Variants in LZTFL1 observed in about 807,000 individuals in gnomAD.
LZTFL1 encodes the protein leucine zipper transcription factor-like protein 1.
In LZTFL1, 25 loss-of-function variants were observed where a neutral mutation model predicts 45.9. The ratio of observed to expected loss-of-function variants is 0.54; its 90% CI spans 0.40 to 0.76. The LOEUF (loss-of-function observed/expected upper bound fraction) is 0.76. LZTFL1 is among the 30% of genes least tolerant of loss of function. The pLI is 0.00. For synonymous variants in LZTFL1, 93 were observed against 117.4 expected (o/e 0.79, Z 1.35); for missense variants, 277 against 331.1 (o/e 0.84, Z 1.27).
chr3:45,897,369 G>A (rs1702389893), intron 2 of LZTFL1, among the ~76,000 whole-genome samples: 1 of 152,132 alleles, frequency 6.6e-6, no homozygotes, highest in Non-Finnish European at 1.5e-5. Context: ...GTAACTTCAT[G>A]CAAAAGCACG....
chr3:45,906,137 A>G (rs115027205), intron 2 of LZTFL1, among the ~76,000 whole-genome samples: 1,727 of 152,264 alleles, frequency 0.011, 29 homozygotes, highest in African/African-American at 0.039. Flanking sequence ...CTAAGGCTGG[A>G]TGGGTAAGAA....
chr3:45,892,941 C>A (rs1476378320), intron 2 of LZTFL1, among the ~76,000 whole-genome samples: 1 of 152,160 alleles, frequency 6.6e-6, no homozygotes, highest in East Asian at 1.9e-4. Context: ...TTTCATCGTA[C>A]TTTGCTTTTT....
Position 45,873,158 on chromosome 3 carries a change from T to C in LZTFL1, c.-214-14142A>G, listed in dbSNP as rs144899599. ...TAGTCCTATTCCCCAAACCAATTTTTCAAGCTTCTCAAACTTTACTGAGTA... is the reference window on the plus strand; with the variant it reads ...TAGTCCTATTCCCCAAACCAATTTTCCAAGCTTCTCAAACTTTACTGAGTA... On this transcript the variant is annotated intron_variant, in intron 2 of 4. Coordinates refer to the LZTFL1 transcript ENST00000472635. 9.0e-4 allele frequency among the ~76,000 whole-genome samples: 137 copies of C among 152,342 alleles called. 1 individual carries two copies. The highest frequency in any genetic ancestry group is 1.6e-3 in the Non-Finnish European group (110 of 68,024).
chr3:45,863,463 T>G (rs1264326601), intron 2 of LZTFL1, among the ~76,000 whole-genome samples: 1 of 152,156 alleles, frequency 6.6e-6, no homozygotes, highest in Admixed American at 6.5e-5. Context: ...GGTTCTGGTC[T>G]TCAGGAGAAA....
chr3:45,915,382 C>T lies in LZTFL1; in HGVS notation c.-273+39G>A, dbSNP rs560966886. On this transcript the variant is annotated intron_variant, in intron 1 of 4. Transcript: ENST00000472635. The stretch of plus-strand genomic sequence containing the variant: ...ACCCTTCTCCCTCACCAGCTTTCCT[C>T]TCTCAAGCCAGGGAGAAGACAGCAC... The T allele has an allele frequency of 6.7e-5, 26 of 385,564 alleles. No individual in the cohort carries two copies. The East Asian group carries it at 1.7e-3, about 26-fold the overall frequency. 23.9% of individuals were successfully genotyped at this position (385,564 alleles called of 1,614,324 possible). A position where few individuals can be genotyped will look rare whatever the true frequency, so the allele number is the denominator to read the frequency against.
At chr3:45,844,762 A>G (rs957302941), upstream of LZTFL1, among the ~76,000 whole-genome samples, 15 of 152,352 alleles carry the variant, frequency 9.8e-5, no homozygotes, top group Admixed American at 7.2e-4. Context: ...GGCCTGAAGT[A>G]GGCAAGAGGC....
chr3:45,863,965 ATGT>A (rs1225600987), intron 2 of LZTFL1, among the ~76,000 whole-genome samples: 2 of 152,228 alleles, frequency 1.3e-5, no homozygotes, highest in Non-Finnish European at 2.9e-5. Context: ...AGGTGTGATA[ATGT>A]TGTTGTTTGT....
rs1559401987 is a variant in LZTFL1 at position 45,830,979 on chromosome 3, T to C, written c.534A>G (p.Ala178=). The stretch of plus-strand genomic sequence containing the variant: ...TTTCTAGTTTTGACTTTTCATCCAG[T>C]GCATTTGTAGCCTATAGTGAAGTTT... The part of the protein sequence containing the change: ...LKTIEIQATN[A]LDEKSKLEKA... The change falls in exon 7 of 10, where the codon GCA becomes GCG. Residue 178 remains alanine, a synonymous_variant. Coordinates refer to ENST00000296135, the MANE Select transcript of LZTFL1 (RefSeq NM_020347.4). 1 of 1,613,954 alleles carries C rather than the reference T, an allele frequency of 6.2e-7. No individual in the cohort carries two copies. Among genetic ancestry groups the C allele is most frequent in the Admixed American group, 1.7e-5 (1 of 60,032 alleles).
At chr3:45,910,501 A>G (rs558407051) in intron 2 of LZTFL1, among the ~76,000 whole-genome samples, 1 of 152,252 alleles carries the variant, frequency 6.6e-6, no homozygotes, top group African/African-American at 2.4e-5. Context: ...TGAGGTCAAG[A>G]GAGAGTGGAG....
chr3:45,839,659 G>T (rs1161510674), intron 1 of LZTFL1, among the ~76,000 whole-genome samples: 1 of 152,164 alleles, frequency 6.6e-6, no homozygotes, highest in Non-Finnish European at 1.5e-5. Context: ...TTTAACAGCA[G>T]GTTTTCTAGG....
chr3:45,865,616 T>G (rs763208906), intron 2 of LZTFL1, among the ~76,000 whole-genome samples: 37 of 152,260 alleles, frequency 2.4e-4, no homozygotes, highest in Non-Finnish European at 4.1e-4. Flanking sequence ...GTTTTTGGAT[T>G]TTCTTTTTAT....
chr3:45,884,308 C>G (rs1284406033), intron 2 of LZTFL1, among the ~76,000 whole-genome samples: 1 of 152,140 alleles, frequency 6.6e-6, no homozygotes. Context: ...AGGAATGGAC[C>G]TAAACTAGAT....
rs529349137 is a variant in LZTFL1, at chr3:45,857,147, A to G, written c.-138+1793T>C. Among the ~76,000 whole-genome samples the G allele has an allele frequency of 1.4e-3, 211 of 152,360 alleles. 1 individual carries two copies. The highest frequency in any genetic ancestry group is 0.011 in the South Asian group (53 of 4,828). On this transcript the variant is annotated intron_variant, in intron 3 of 4. Transcript: ENST00000472635. Reference sequence around the variant, plus strand: ...AATGCTCATCAATGATAGACTGGATAAAGAAAGTATGGCACATATACACCA... The same window carrying G: ...AATGCTCATCAATGATAGACTGGATGAAGAAAGTATGGCACATATACACCA...
chr3:45,915,668 C>T (rs960393995), upstream of LZTFL1: 1 of 361,202 alleles, frequency 2.8e-6, no homozygotes, highest in Non-Finnish European at 5.6e-6. Context: ...TCATTCAAGG[C>T]TTTAGATGGG....
chr3:45,893,362 C>T (rs1038630732), intron 2 of LZTFL1, among the ~76,000 whole-genome samples: 2 of 152,124 alleles, frequency 1.3e-5, no homozygotes, highest in Admixed American at 6.5e-5. Flanking sequence ...ACCATGTTGG[C>T]CAGACTGGTC....
At chr3:45,839,245 C>T (rs187658723) in intron 1 of LZTFL1, among the ~76,000 whole-genome samples, 17 of 152,212 alleles carry the variant, frequency 1.1e-4, no homozygotes, top group East Asian at 3.9e-4. Flanking sequence ...CCCACCACCA[C>T]GCCTGACTCA....
chr3:45,842,243 G>C (rs1258422275), upstream of LZTFL1: 1 of 1,258,136 alleles, frequency 7.9e-7, no homozygotes, highest in Non-Finnish European at 1.1e-6. Flanking sequence ...TTCCAGGGCC[G>C]GAAGTCCCAC....
chr3:45,857,278 C>A (rs1039574439), intron 3 of LZTFL1, among the ~76,000 whole-genome samples: 12 of 152,096 alleles, frequency 7.9e-5, no homozygotes, highest in Non-Finnish European at 1.5e-4. Context: ...AAACAGAAAA[C>A]CAAACATTGC....
chr3:45,905,041 C>T (rs1238421770), intron 2 of LZTFL1, among the ~76,000 whole-genome samples: 1 of 152,174 alleles, frequency 6.6e-6, no homozygotes, highest in Non-Finnish European at 1.5e-5. Context: ...TTCAGGGGCT[C>T]CCCGTGACTT....
Sources: allele counts gnomAD v4.1 joint callset (sites outside exome capture counted in the v4.1 genomes callset), GRCh38; gene constraint gnomAD v4.1.1; transcripts MANE v1.5; gene names NCBI Gene and HGNC (gene_info 2026-07-23, HGNC 2026-07-21).